ATIC: variants seen among roughly 807,000 people sequenced by gnomAD.
ATIC encodes bifunctional purine biosynthesis protein ATIC.
Under a neutral mutation model 72.5 loss-of-function variants are expected in ATIC, and 64 were observed. The ratio of observed to expected loss-of-function variants is 0.88; its 90% CI spans 0.72 to 1.09. The LOEUF (loss-of-function observed/expected upper bound fraction) is 1.09. Ranked by LOEUF, ATIC falls within the 50% of genes least tolerant of loss-of-function variation. The pLI is 0.00. For synonymous variants in ATIC, 281 were observed against 267.1 expected (o/e 1.05, Z -0.51); for missense variants, 787 against 732.4 (o/e 1.07, Z -0.86).
intron 8 of ATIC, 85 bp downstream of exon 8, chr2:215,332,592 G>A (rs967274518): frequency 6.5e-7 from 1 of 1,528,842 alleles, no homozygotes. Context: ...AAGTTCTAAT[G>A]TGAATATAGA....
chr2:215,313,376 C>T (rs2052676132), intron 2 of ATIC, among the ~76,000 whole-genome samples: 1 of 152,124 alleles, frequency 6.6e-6, no homozygotes, highest in African/African-American at 2.4e-5. Context: ...CCCACGTTCA[C>T]AAGCCCTTCA....
chr2:215,347,479 G>A (rs1205941823), intron 14 of ATIC: 1 of 419,300 alleles, frequency 2.4e-6, no homozygotes. Context: ...TAGGTAGGTA[G>A]CCCGCCAGAA....
intron 7 of ATIC, among the ~76,000 whole-genome samples, chr2:215,329,529 C>T (rs1006663955): frequency 1.2e-4 from 18 of 152,080 alleles, no homozygotes; most frequent in African/African-American, 4.1e-4. Context: ...GATGTTATTA[C>T]AGAGTGTATG....
At chr2:215,319,279 G>A (rs111627861) in intron 3 of ATIC, among the ~76,000 whole-genome samples, 1 of 152,140 alleles carries the variant, frequency 6.6e-6, no homozygotes, top group Non-Finnish European at 1.5e-5. Flanking sequence ...GGTGGCTCTT[G>A]CCTGTAGTCC....
rs2052985858 is a variant in ATIC, at chr2:215,338,862, C to T, written c.1182C>T (p.Val394=). The change falls in exon 12 of 16, where the codon GTC becomes GTT. Residue 394 remains valine, a synonymous_variant. Transcript: ENST00000236959. ...LHLSQKRNNG[V]VDKSLFSNVV... ...TAAGCCAGAAGAGAAATAATGGTGTCGTCGACAAGTCATTATTTAGCAATG... is the reference window on the plus strand; with the variant it reads ...TAAGCCAGAAGAGAAATAATGGTGTTGTCGACAAGTCATTATTTAGCAATG... The T allele has an allele frequency of 3.7e-6, 6 of 1,613,716 alleles. No individual in the cohort carries two copies. Among genetic ancestry groups the T allele is most frequent in the East Asian group, 4.5e-5 (2 of 44,798 alleles).
chr2:215,363,370 G>A, the ATIC span: 5 of 144,810 alleles, frequency 3.5e-5, no homozygotes, highest in East Asian at 5.5e-4. Context: ...CGTTGTAAGT[G>A]TTAATGGGAG....
the ATIC span, chr2:215,362,170 C>T: frequency 3.3e-6 from 3 of 917,674 alleles, no homozygotes; most frequent in Non-Finnish European, 5.3e-6. Context: ...AATGTCACAT[C>T]ATATGCACTG....
chr2:215,325,931 C>A, intron 5 of ATIC, 56 bp from the exon 6 acceptor site: 1 of 1,582,400 alleles, frequency 6.3e-7, no homozygotes, highest in South Asian at 1.1e-5. Context: ...TATTTAAAAG[C>A]GGTTCATAAG....
chr2:215,312,731 G>T (rs1227453066), intron 2 of ATIC, 107 bp downstream of exon 2: 2 of 1,520,222 alleles, frequency 1.3e-6, no homozygotes, highest in Non-Finnish European at 9.0e-7. Flanking sequence ...TCCCAGTAGC[G>T]CTGTGAGGTT....
Position 215,336,030 on chromosome 2 carries a change from T to C in ATIC, c.1009-5T>C. Reference sequence around the variant, plus strand: ...AATAGAAATTAAAATTTAATATTTTTGCAGGTATCTGATGGTATAATTGCC... The same window carrying C: ...AATAGAAATTAAAATTTAATATTTTCGCAGGTATCTGATGGTATAATTGCC... On this transcript the variant is annotated splice_polypyrimidine_tract_variant and splice_region_variant and intron_variant, in intron 10 of 15. Transcript: ENST00000236959. The C allele has an allele frequency of 6.3e-7, 1 of 1,596,916 alleles. No homozygotes were observed. The highest frequency in any genetic ancestry group is 1.7e-4 in the Middle Eastern group (1 of 6,006).
downstream of ATIC, among the ~76,000 whole-genome samples, chr2:215,353,561 G>T (rs1005267096): frequency 6.6e-6 from 1 of 151,996 alleles, no homozygotes; most frequent in Non-Finnish European, 1.5e-5. Context: ...TGTTGTTGTT[G>T]TTGTTGTTTT....
chr2:215,326,211 G>C, intron 6 of ATIC, 73 bp downstream of exon 6: 2 of 1,572,396 alleles, frequency 1.3e-6, no homozygotes, highest in Non-Finnish European at 1.7e-6. Flanking sequence ...GCAGTATTCA[G>C]TTCTTGGTAG....
At chr2:215,330,052 C>T (rs938060515) in intron 7 of ATIC, among the ~76,000 whole-genome samples, 4 of 152,178 alleles carry the variant, frequency 2.6e-5, no homozygotes, top group South Asian at 2.1e-4. Context: ...CATGAGCCAC[C>T]GCACCCATCC....
intron 4 of ATIC, among the ~76,000 whole-genome samples, chr2:215,320,491 G>A (rs1348269086): frequency 6.6e-6 from 1 of 152,176 alleles, no homozygotes; most frequent in Non-Finnish European, 1.5e-5. Flanking sequence ...AAGCAGAGGG[G>A]GAGCTGGCAT....
At chr2:215,359,135 C>T in the ATIC span, among the ~76,000 whole-genome samples, 375 of 152,270 alleles carry the variant, frequency 2.5e-3, 1 homozygote, top group African/African-American at 8.4e-3. Flanking sequence ...CCTCCCACCT[C>T]GGCGCCTCAA....
At chr2:215,345,748 G>A (rs2053064167) in intron 13 of ATIC, among the ~76,000 whole-genome samples, 2 of 152,198 alleles carry the variant, frequency 1.3e-5, no homozygotes, top group South Asian at 4.1e-4. Flanking sequence ...AAGAAGTTCT[G>A]TAAGTCCATG....
the ATIC span, chr2:215,364,485 C>G: frequency 6.8e-6 from 2 of 295,492 alleles, no homozygotes; most frequent in African/African-American, 4.3e-5. Flanking sequence ...GAAACACATT[C>G]TATTTACCAC....
intron 7 of ATIC, among the ~76,000 whole-genome samples, chr2:215,328,154 G>A (rs1232521292): frequency 2.6e-5 from 4 of 151,958 alleles, no homozygotes; most frequent in East Asian, 1.9e-4. Context: ...GATTACAGGC[G>A]TGAGCCACCA....
intron 12 of ATIC, among the ~76,000 whole-genome samples, chr2:215,344,524 C>G (rs1038023975): frequency 6.6e-6 from 1 of 151,972 alleles, no homozygotes; most frequent in Non-Finnish European, 1.5e-5. Flanking sequence ...AACCCCATCT[C>G]TACTAAAAAT....
Sources: allele counts gnomAD v4.1 joint callset (sites outside exome capture counted in the v4.1 genomes callset), GRCh38; gene constraint gnomAD v4.1.1; transcripts MANE v1.5; gene names NCBI Gene and HGNC (gene_info 2026-07-23, HGNC 2026-07-21).